Variants in MCPH1 observed in about 807,000 individuals in gnomAD.
MCPH1 encodes microcephalin 1, also known as microcephalin.
In MCPH1, 104 loss-of-function variants were observed where a neutral mutation model predicts 84.5. The observed-to-expected ratio is 1.23, with a 90% CI of 1.05 to 1.45. The LOEUF (loss-of-function observed/expected upper bound fraction) is 1.45, where lower values mean the gene tolerates loss of function less well. Among genes scored for constraint, MCPH1 ranks in the 40% most tolerant of loss-of-function variants. The pLI is 0.00. For synonymous variants in MCPH1, 514 were observed against 366.8 expected (o/e 1.40, Z -4.58); for missense variants, 1,498 against 1,005.7 (o/e 1.49, Z -6.62).
intron 13 of MCPH1, among the ~76,000 whole-genome samples, chr8:6,623,013 CTTTTTTTTTTTTT>C (rs1164226735): frequency 1.8e-5 from 2 of 109,894 alleles, no homozygotes; most frequent in Admixed American, 2.1e-4. Flanking sequence ...GCTTTACTTT[CTTTTTTTTTTTTT>C]TTTTTTTGTA....
chr8:6,407,295 TG>T (rs1259055007), intron 1 of MCPH1, among the ~76,000 whole-genome samples: 1 of 152,042 alleles, frequency 6.6e-6, no homozygotes, highest in Non-Finnish European at 1.5e-5. Context: ...CCAGGCGCTG[TG>T]CTTAGGCTAG....
chr8:6,492,304 G>A (rs190258739), intron 11 of MCPH1, among the ~76,000 whole-genome samples: 3 of 152,204 alleles, frequency 2.0e-5, no homozygotes, highest in Non-Finnish European at 2.9e-5. Flanking sequence ...CATATCCTTC[G>A]CCCACTTGTT....
chr8:6,547,248 C>A (rs980141321), intron 12 of MCPH1, among the ~76,000 whole-genome samples: 4 of 152,036 alleles, frequency 2.6e-5, no homozygotes, highest in Non-Finnish European at 4.4e-5. Context: ...CACAGCAATT[C>A]GGGAAGTAAA....
chr8:6,536,266 C>T (rs1820475875), intron 12 of MCPH1, among the ~76,000 whole-genome samples: 1 of 152,128 alleles, frequency 6.6e-6, no homozygotes, highest in Admixed American at 6.6e-5. Flanking sequence ...CCGGCACTGC[C>T]TGTGCTGTAT....
At chr8:6,617,832 A>G (rs1239209896) in intron 12 of MCPH1, among the ~76,000 whole-genome samples, 1 of 151,986 alleles carries the variant, frequency 6.6e-6, no homozygotes, top group African/African-American at 2.4e-5. Flanking sequence ...ATGTGACACC[A>G]TGCCGGGCTT....
At chr8:6,566,186 G>A (rs1586655597) in intron 12 of MCPH1, among the ~76,000 whole-genome samples, 1 of 152,210 alleles carries the variant, frequency 6.6e-6, no homozygotes, top group South Asian at 2.1e-4. Flanking sequence ...TCTATTTTCT[G>A]CAATCATTTA....
chr8:6,515,530 C>G (rs192066949), intron 12 of MCPH1, among the ~76,000 whole-genome samples: 101 of 152,314 alleles, frequency 6.6e-4, no homozygotes, highest in Non-Finnish European at 7.5e-4. Flanking sequence ...TGGGTTTAAA[C>G]TTTGTCCAGA....
intron 13 of MCPH1, among the ~76,000 whole-genome samples, chr8:6,629,359 G>A (rs545039117): frequency 6.6e-6 from 1 of 152,324 alleles, no homozygotes; most frequent in South Asian, 2.1e-4. Flanking sequence ...CTACTTGGGA[G>A]GCTGAGGCAG....
chr8:6,633,508 T>A (rs1457463830), intron 13 of MCPH1, among the ~76,000 whole-genome samples: 1 of 152,174 alleles, frequency 6.6e-6, no homozygotes, highest in Non-Finnish European at 1.5e-5. Flanking sequence ...ACTTTTTGAG[T>A]GCCAATCTGT....
intron 12 of MCPH1, among the ~76,000 whole-genome samples, chr8:6,560,839 G>A (rs943744002): frequency 2.6e-5 from 4 of 152,212 alleles, no homozygotes; most frequent in African/African-American, 7.2e-5. Context: ...TGGAGTTTCA[G>A]GTATACCTAA....
At chr8:6,627,219 T>C (rs887240253) in intron 13 of MCPH1, 4 of 985,386 alleles carry the variant, frequency 4.1e-6, no homozygotes, top group Non-Finnish European at 4.8e-6. Flanking sequence ...CCTGATTCAG[T>C]AGATATGTGA....
chr8:6,526,141 C>G (rs555059820), intron 12 of MCPH1, among the ~76,000 whole-genome samples: 2 of 151,654 alleles, frequency 1.3e-5, no homozygotes, highest in East Asian at 3.9e-4. Flanking sequence ...AAAACGACGC[C>G]AGGTACGGTG....
At chr8:6,520,015 A>G (rs1172861549) in intron 12 of MCPH1, 6 of 1,610,808 alleles carry the variant, frequency 3.7e-6, no homozygotes. Context: ...ATAGTAAGGC[A>G]TTTAAACGGA....
At chr8:6,559,093 C>G (rs1414122387) in intron 12 of MCPH1, among the ~76,000 whole-genome samples, 1 of 152,142 alleles carries the variant, frequency 6.6e-6, no homozygotes, top group Non-Finnish European at 1.5e-5. Flanking sequence ...GGTTCTTGTC[C>G]TCCGCAGGAG....
At chr8:6,454,563 C>G (rs914712845) in intron 8 of MCPH1, among the ~76,000 whole-genome samples, 1 of 152,162 alleles carries the variant, frequency 6.6e-6, no homozygotes, top group African/African-American at 2.4e-5. Context: ...TTACTTAGGT[C>G]TACAGAGGTT....
chr8:6,586,355 A>G (rs890791016), intron 12 of MCPH1, among the ~76,000 whole-genome samples: 1 of 152,144 alleles, frequency 6.6e-6, no homozygotes, highest in Non-Finnish European at 1.5e-5. Flanking sequence ...GCATAGACAA[A>G]ATATACACCC....
intron 11 of MCPH1, among the ~76,000 whole-genome samples, chr8:6,485,712 A>T (rs1301298993): frequency 1.3e-5 from 2 of 152,164 alleles, no homozygotes; most frequent in Admixed American, 6.5e-5. Flanking sequence ...GCGAAGGCTC[A>T]GGTGGCCTAT....
intron 11 of MCPH1, among the ~76,000 whole-genome samples, chr8:6,496,451 C>A (rs1415230637): frequency 6.6e-6 from 1 of 152,130 alleles, no homozygotes; most frequent in African/African-American, 2.4e-5. Flanking sequence ...GGTACCAGGA[C>A]CCCTGTTTTA....
At chr8:6,630,688 G>A (rs907677086) in intron 13 of MCPH1, among the ~76,000 whole-genome samples, 1 of 151,690 alleles carries the variant, frequency 6.6e-6, no homozygotes, top group African/African-American at 2.4e-5. Context: ...GGCTGAGGCA[G>A]GAGAATCGCT....
Sources: gnomAD v4.1 joint callset for allele counts (sites outside exome capture counted in the v4.1 genomes callset) on GRCh38, gnomAD v4.1.1 for gene constraint, MANE v1.5 for transcripts, NCBI Gene and HGNC (gene_info 2026-07-23, HGNC 2026-07-21) for gene names.